Variants in AFF3 observed in about 807,000 individuals in gnomAD.
The protein encoded by AFF3 is ALF transcription elongation factor 3.
AFF3 carries 32 observed loss-of-function variants against 129.7 expected under a neutral mutation model. The observed-to-expected ratio is 0.25, with a 90% CI of 0.19 to 0.33. The LOEUF (loss-of-function observed/expected upper bound fraction) is 0.33, where lower values mean the gene tolerates loss of function less well. Ranked by LOEUF, AFF3 falls within the 10% of genes least tolerant of loss-of-function variation. The probability of loss-of-function intolerance (pLI) is 1.00; values close to 1 mark genes in which losing one functional copy is unlikely to be tolerated. For missense variants in AFF3, 1,373 were observed against 1,592.0 expected (o/e 0.86, Z 2.34); for synonymous variants, 644 against 635.4 (o/e 1.01, Z -0.20).
At chr2:99,986,133 G>A (rs1032111274) in intron 7 of AFF3, among the ~76,000 whole-genome samples, 2 of 150,962 alleles carry the variant, frequency 1.3e-5, no homozygotes, top group Non-Finnish European at 3.0e-5. Context: ...CCCAGGAGGC[G>A]GAGCTTGCCG....
chr2:99,840,799 G>T (rs1022115451), intron 7 of AFF3, among the ~76,000 whole-genome samples: 1 of 152,158 alleles, frequency 6.6e-6, no homozygotes, highest in African/African-American at 2.4e-5. Context: ...GGTTATATAG[G>T]AAAGTCTCAG....
In AFF3 at chr2:99,594,067, T is replaced by A; in HGVS notation, c.1594A>T (p.Arg532Trp). 1.1e-5 allele frequency: 17 copies of A among 1,613,614 alleles called. No homozygotes were observed. The highest frequency in any genetic ancestry group is 1.4e-5 in the Non-Finnish European group (17 of 1,179,708). Residue 532 changes from arginine (R) to tryptophan (W), a missense_variant, in exon 15 of 25, where the codon AGG becomes TGG. Physicochemically the swap from Arg to Trp is moderately radical, Grantham distance 101. Transcript: ENST00000672756. ...GGGGCCTTGTTGGCTGTCCTTGGCCTTTGCTCCTCCTTGCAAGTGCTCTTG... is the reference window on the plus strand; with the variant it reads ...GGGGCCTTGTTGGCTGTCCTTGGCCATTGCTCCTCCTTGCAAGTGCTCTTG... ...EIKSTCKEEQRPRTANKAPGS... is the reference protein window; with the variant it reads ...EIKSTCKEEQWPRTANKAPGS...
intron 7 of AFF3, among the ~76,000 whole-genome samples, chr2:99,862,214 T>C (rs1691049835): frequency 6.6e-6 from 1 of 152,212 alleles, no homozygotes; most frequent in South Asian, 2.1e-4. Context: ...AGCTGAATTT[T>C]ACTGCATTTT....
intron 8 of AFF3, among the ~76,000 whole-genome samples, chr2:99,804,454 T>A (rs1365627614): frequency 6.6e-6 from 1 of 152,160 alleles, no homozygotes; most frequent in Non-Finnish European, 1.5e-5. Flanking sequence ...AGTGTGGATG[T>A]GGTGAAAAGA....
At chr2:99,728,317 A>G (rs1679526082) in intron 10 of AFF3, among the ~76,000 whole-genome samples, 1 of 152,156 alleles carries the variant, frequency 6.6e-6, no homozygotes, top group Admixed American at 6.5e-5. Flanking sequence ...GTTGCAAGAA[A>G]TAGGACTGTG....
At chr2:99,814,460 G>A (rs950495004) in intron 8 of AFF3, among the ~76,000 whole-genome samples, 2 of 152,188 alleles carry the variant, frequency 1.3e-5, no homozygotes, top group Non-Finnish European at 2.9e-5. Context: ...GGAAGGAAGG[G>A]CAGGTCCTGG....
chr2:99,690,460 C>T (rs1032732851), intron 11 of AFF3, among the ~76,000 whole-genome samples: 1 of 151,902 alleles, frequency 6.6e-6, no homozygotes, highest in Non-Finnish European at 1.5e-5. Context: ...GGATTACAGG[C>T]GTGAGCCACC....
chr2:99,684,941 CT>C (rs70940184), intron 11 of AFF3, among the ~76,000 whole-genome samples: 292 of 138,672 alleles, frequency 2.1e-3, no homozygotes, highest in Admixed American at 2.3e-3. Context: ...TTCTTTCTTT[CT>C]TTTTTTTTTT....
intron 11 of AFF3, among the ~76,000 whole-genome samples, chr2:99,690,155 TTTATTA>T (rs200485697): frequency 0.15 from 18,603 of 122,802 alleles, 1,410 homozygotes; most frequent in Non-Finnish European, 0.16. Context: ...AACCACAATC[TTTATTA>T]TTATTATTAT....
At chr2:100,038,579 G>A (rs922630704) in intron 4 of AFF3, among the ~76,000 whole-genome samples, 1 of 152,044 alleles carries the variant, frequency 6.6e-6, no homozygotes, top group African/African-American at 2.4e-5. Flanking sequence ...GGGGACAGAG[G>A]CTGGGCACGG....
At chr2:99,747,878 C>G (rs1681301616) in intron 9 of AFF3, among the ~76,000 whole-genome samples, 1 of 152,036 alleles carries the variant, frequency 6.6e-6, no homozygotes, top group South Asian at 2.1e-4. Flanking sequence ...TGGCTATAAA[C>G]CCAGTGTTCT....
intron 4 of AFF3, among the ~76,000 whole-genome samples, chr2:100,039,773 T>C (rs1297249122): frequency 6.6e-6 from 1 of 152,176 alleles, no homozygotes; most frequent in Non-Finnish European, 1.5e-5. Flanking sequence ...TGGCTGGCTC[T>C]GGTGAAAGTT....
intron 3 of AFF3, 176 bp from the exon 4 acceptor site, chr2:100,104,694 A>G (rs1691090118): frequency 7.4e-6 from 7 of 951,670 alleles, no homozygotes; most frequent in Non-Finnish European, 8.5e-6. Context: ...GCGCAGGCAC[A>G]CTCAAGAGAG....
At chr2:99,925,705 C>A (rs543571985) in intron 7 of AFF3, among the ~76,000 whole-genome samples, 4 of 152,292 alleles carry the variant, frequency 2.6e-5, no homozygotes, top group Admixed American at 1.3e-4. Flanking sequence ...GCTGTCTGGG[C>A]AGAGCATGCT....
intron 11 of AFF3, among the ~76,000 whole-genome samples, chr2:99,680,904 G>A (rs1420963577): frequency 2.0e-5 from 3 of 152,146 alleles, no homozygotes; most frequent in Non-Finnish European, 4.4e-5. Flanking sequence ...CTATACCAGC[G>A]TTCACACATT....
intron 8 of AFF3, among the ~76,000 whole-genome samples, chr2:99,777,965 A>AAAAAAAAAAAAAAC (rs1684064631): frequency 1.3e-5 from 2 of 151,690 alleles, no homozygotes; most frequent in Non-Finnish European, 2.9e-5. Flanking sequence ...AAAAAAAAAA[A>AAAAAAAAAAAAAAC]AAAAAACAAA....
intron 7 of AFF3, among the ~76,000 whole-genome samples, chr2:99,850,545 CAGTT>C (rs1157964267): frequency 1.3e-5 from 2 of 152,162 alleles, no homozygotes; most frequent in African/African-American, 2.4e-5. Flanking sequence ...TTCTTTTTCA[CAGTT>C]AGAATAATCT....
Position 99,549,578 on chromosome 2 carries a change from C to T in AFF3, c.*1896G>A, listed in dbSNP as rs188013092. On this transcript the variant is annotated 3_prime_UTR_variant, in exon 25 of 25. Transcript: ENST00000672756. ...CCAGCCTGGGCAACAGAGCGAAACT[C>T]GTCTCAAAAAAAAAGTGAAAGGGTT... 2.6e-5 allele frequency: 5 copies of T among 191,814 alleles called. No individual in the cohort carries two copies. Among genetic ancestry groups the T allele is most frequent in the Middle Eastern group, 1.7e-3 (1 of 572 alleles). The allele number at this position is 191,814 out of a possible 1,614,324, so 11.9% of individuals were successfully genotyped here. A position where few individuals can be genotyped will look rare whatever the true frequency, so the allele number is the denominator to read the frequency against.
intron 8 of AFF3, among the ~76,000 whole-genome samples, chr2:99,824,030 C>G (rs1349158092): frequency 6.6e-6 from 1 of 152,138 alleles, no homozygotes; most frequent in African/African-American, 2.4e-5. Flanking sequence ...CCCCAAACCT[C>G]AGCATCATGC....
Sources: allele counts gnomAD v4.1 joint callset (sites outside exome capture counted in the v4.1 genomes callset), GRCh38; gene constraint gnomAD v4.1.1; transcripts MANE v1.5; gene names NCBI Gene and HGNC (gene_info 2026-07-23, HGNC 2026-07-21).